SCHIP1: variants seen among roughly 807,000 people sequenced by gnomAD.
SCHIP1 encodes schwannomin-interacting protein 1.
SCHIP1 carries 8 observed loss-of-function variants against 29.7 expected under a neutral mutation model. The observed-to-expected ratio is 0.27, with a 90% CI of 0.16 to 0.49. The LOEUF is 0.49. SCHIP1 is among the 20% of genes least tolerant of loss of function. SCHIP1 has a pLI of 0.99. For missense variants in SCHIP1, 193 were observed against 294.6 expected (o/e 0.66, Z 2.52); for synonymous variants, 76 against 94.9 (o/e 0.80, Z 1.16).
At chr3:159,764,387 G>T in the SCHIP1 span, 1 of 1,508,816 alleles carries the variant, frequency 6.6e-7, no homozygotes, top group Non-Finnish European at 8.9e-7. The surrounding 1 kb of genome is among the most constrained non-coding windows in gnomAD (Gnocchi z 6.1). Context: ...GGGGCGGGTG[G>T]CGGGAGGCTG....
the SCHIP1 span, among the ~76,000 whole-genome samples, chr3:159,447,774 G>A: frequency 2.6e-5 from 4 of 152,158 alleles, no homozygotes; most frequent in Non-Finnish European, 5.9e-5. Flanking sequence ...AGTGAAGGGG[G>A]TAGTATTTCT....
the SCHIP1 span, among the ~76,000 whole-genome samples, chr3:159,543,255 A>G: frequency 1.3e-5 from 2 of 150,726 alleles, no homozygotes; most frequent in Non-Finnish European, 3.0e-5. Context: ...CATGTGCACA[A>G]TGTGCAAGTT....
At chr3:159,594,793 A>G in the SCHIP1 span, among the ~76,000 whole-genome samples, 9 of 152,188 alleles carry the variant, frequency 5.9e-5, no homozygotes, top group Admixed American at 2.0e-4. Flanking sequence ...CAAATTGTTC[A>G]GTCTGCTAAG....
At chr3:159,602,203 A>T in the SCHIP1 span, among the ~76,000 whole-genome samples, 1 of 152,128 alleles carries the variant, frequency 6.6e-6, no homozygotes, top group Admixed American at 6.5e-5. Flanking sequence ...CTCCTGGCTG[A>T]TCTTGGCTGA....
the SCHIP1 span, among the ~76,000 whole-genome samples, chr3:159,303,052 G>A: frequency 6.6e-6 from 1 of 152,012 alleles, no homozygotes; most frequent in African/African-American, 2.4e-5. Flanking sequence ...CATAGTAAGG[G>A]TAAATAAGTT....
intron 1 of SCHIP1, among the ~76,000 whole-genome samples, chr3:159,847,746 C>G (rs1307585643): frequency 6.6e-6 from 1 of 152,116 alleles, no homozygotes; most frequent in Non-Finnish European, 1.5e-5. Flanking sequence ...CTGCCACCTC[C>G]CCACCCCACA....
chr3:159,818,876 G>A, the SCHIP1 span, among the ~76,000 whole-genome samples: 1 of 152,206 alleles, frequency 6.6e-6, no homozygotes, highest in Non-Finnish European at 1.5e-5. Flanking sequence ...AATTAACTGT[G>A]TGGTCCTTAC....
chr3:159,725,717 A>G, the SCHIP1 span, among the ~76,000 whole-genome samples: 2 of 152,262 alleles, frequency 1.3e-5, no homozygotes, highest in African/African-American at 2.4e-5. Context: ...ACCACTGGCA[A>G]TAATCGCAAT....
At chr3:159,498,096 ATAAT>A in the SCHIP1 span, among the ~76,000 whole-genome samples, 1 of 152,238 alleles carries the variant, frequency 6.6e-6, no homozygotes, top group Non-Finnish European at 1.5e-5. Flanking sequence ...AGAGCAATAA[ATAAT>A]TGTCAAAGGA....
At chr3:159,364,262 G>A in the SCHIP1 span, among the ~76,000 whole-genome samples, 3 of 152,108 alleles carry the variant, frequency 2.0e-5, no homozygotes, top group Non-Finnish European at 4.4e-5. Flanking sequence ...AATAATATAT[G>A]AGAATGTTAC....
the SCHIP1 span, among the ~76,000 whole-genome samples, chr3:159,525,946 GTATT>G: frequency 6.6e-6 from 1 of 152,102 alleles, no homozygotes; most frequent in Non-Finnish European, 1.5e-5. Flanking sequence ...TCAATGTGAG[GTATT>G]TATTTAATTC....
chr3:159,734,206 A>C, the SCHIP1 span, among the ~76,000 whole-genome samples: 1 of 144,588 alleles, frequency 6.9e-6, no homozygotes, highest in East Asian at 2.0e-4. Flanking sequence ...GCAATGGCGC[A>C]ATCTCGGCTC....
chr3:159,530,604 C>T, the SCHIP1 span, among the ~76,000 whole-genome samples: 2 of 152,126 alleles, frequency 1.3e-5, no homozygotes, highest in Admixed American at 1.3e-4. Flanking sequence ...AGCAGATTTG[C>T]TCTTGGATTT....
chr3:159,382,259 C>T, the SCHIP1 span, among the ~76,000 whole-genome samples: 1 of 148,852 alleles, frequency 6.7e-6, no homozygotes, highest in South Asian at 2.2e-4. Context: ...CCTCCCCCCT[C>T]ACCCCACCCC....
the SCHIP1 span, chr3:159,275,154 T>G: frequency 1.3e-6 from 1 of 798,730 alleles, no homozygotes; most frequent in African/African-American, 1.9e-5. Flanking sequence ...ATAGATCCAC[T>G]GATAATTTCC....
the SCHIP1 span, among the ~76,000 whole-genome samples, chr3:159,308,530 A>G: frequency 1.8e-4 from 27 of 152,238 alleles, no homozygotes; most frequent in Non-Finnish European, 2.9e-4. Context: ...TGGTAAGACT[A>G]TGGAGAAAAG....
chr3:159,352,722 T>A, the SCHIP1 span, among the ~76,000 whole-genome samples: 1 of 152,094 alleles, frequency 6.6e-6, no homozygotes, highest in African/African-American at 2.4e-5. Flanking sequence ...GAACCACAAA[T>A]GATTTTCCTA....
chr3:159,292,930 C>G, the SCHIP1 span, among the ~76,000 whole-genome samples: 1 of 152,080 alleles, frequency 6.6e-6, no homozygotes, highest in African/African-American at 2.4e-5. Context: ...TTTTTCTCAT[C>G]CTGTTTATAG....
chr3:159,427,063 C>G, the SCHIP1 span, among the ~76,000 whole-genome samples: 1 of 152,122 alleles, frequency 6.6e-6, no homozygotes, highest in African/African-American at 2.4e-5. Flanking sequence ...CTATGACAAA[C>G]CCACAGCCAA....
Sources: gnomAD v4.1 joint callset for allele counts (sites outside exome capture counted in the v4.1 genomes callset) on GRCh38, gnomAD v4.1.1 for gene constraint, Gnocchi (gnomAD v3.1) non-coding constraint, MANE v1.5 for transcripts, NCBI Gene and HGNC (gene_info 2026-07-23, HGNC 2026-07-21) for gene names.